The following PAK5 variants were observed in gnomAD, a reference collection of about 807,000 sequenced individuals.
The protein encoded by PAK5 is p21 (RAC1) activated kinase 5.
PAK5 carries 16 observed loss-of-function variants against 65.9 expected under a neutral mutation model. That is an observed-to-expected ratio of 0.24 (90% CI 0.16 to 0.37). The LOEUF is 0.37. Ranked by LOEUF, PAK5 falls within the 10% of genes least tolerant of loss-of-function variation. The pLI, the probability that PAK5 is intolerant of heterozygous loss-of-function variation, is 1.00. For synonymous variants in PAK5, 371 were observed against 354.9 expected, an observed-to-expected ratio of 1.05 and a Z score of -0.51; for missense variants, 785 against 903.9, an observed-to-expected ratio of 0.87 and a Z score of 1.69.
intron 1 of PAK5, among the ~76,000 whole-genome samples, chr20:9,809,025 G>A (rs2423473): frequency 0.42 from 63,985 of 151,806 alleles, 13,962 homozygotes; most frequent in African/African-American, 0.48. Flanking sequence ...GTATGTCGAT[G>A]TTCTTTATAT....
intron 2 of PAK5, among the ~76,000 whole-genome samples, chr20:9,682,490 T>C (rs565238168): frequency 3.9e-5 from 6 of 152,328 alleles, no homozygotes; most frequent in Non-Finnish European, 8.8e-5. Context: ...GTTTCCTCAC[T>C]TAGAAGAATT....
At chr20:9,650,245 A>G (rs1487955078) in intron 2 of PAK5, among the ~76,000 whole-genome samples, 2 of 152,194 alleles carry the variant, frequency 1.3e-5, no homozygotes, top group Non-Finnish European at 2.9e-5. Flanking sequence ...ACTGCTCATA[A>G]TATCTGCTTG....
At chr20:9,634,345 C>A (rs1233903593) in intron 3 of PAK5, among the ~76,000 whole-genome samples, 1 of 152,178 alleles carries the variant, frequency 6.6e-6, no homozygotes, top group Admixed American at 6.5e-5. Flanking sequence ...TGGTGGGTAC[C>A]CACAGGGATA....
At chr20:9,762,349 T>C (rs1470478035) in intron 1 of PAK5, among the ~76,000 whole-genome samples, 4 of 152,172 alleles carry the variant, frequency 2.6e-5, no homozygotes, top group Non-Finnish European at 4.4e-5. Flanking sequence ...TAGAACATAT[T>C]TGCAAATCTT....
chr20:9,817,916 A>G (rs180778524), intron 1 of PAK5, among the ~76,000 whole-genome samples: 1 of 152,356 alleles, frequency 6.6e-6, no homozygotes, highest in East Asian at 1.9e-4. Context: ...GACTTTCTTC[A>G]TAGGAACACA....
At chr20:9,770,787 G>A (rs538769079) in intron 1 of PAK5, among the ~76,000 whole-genome samples, 2 of 152,172 alleles carry the variant, frequency 1.3e-5, no homozygotes, top group South Asian at 2.1e-4. Context: ...TTGAAGAATC[G>A]TTGGAGTTGA....
intron 8 of PAK5, among the ~76,000 whole-genome samples, 177 bp downstream of exon 8, chr20:9,544,192 T>C (rs1485581850): frequency 6.6e-6 from 1 of 152,028 alleles, no homozygotes; most frequent in African/African-American, 2.4e-5. Context: ...GCCCCAGGGG[T>C]GGCCAGGCTC....
chr20:9,718,016 AC>A (rs200069567), intron 1 of PAK5, among the ~76,000 whole-genome samples: 3,064 of 152,180 alleles, frequency 0.02, 110 homozygotes, highest in African/African-American at 0.07. Flanking sequence ...TGCATTCAAA[AC>A]ATATAACAAC....
chr20:9,644,268 C>A lies in PAK5; in HGVS notation c.61G>T (p.Val21Phe), dbSNP rs747993132. The A allele has an allele frequency of 8.7e-6, 14 of 1,606,748 alleles. No homozygotes were observed. The highest frequency in any genetic ancestry group is 1.1e-5 in the Non-Finnish European group (13 of 1,177,832). ...TCTTGTGGATCAAACCCAGTATGAA[C>A]CCTGTGTTCAAAGTTGGACGGGCCA... The part of the protein sequence containing the change: ...ISGPSNFEHR[V>F]HTGFDPQEQK... The change falls in exon 3 of 10, where the codon GTT becomes TTT. Residue 21 changes from valine to phenylalanine, a missense_variant. This residue lies in a region of PAK5 where 71 missense variants were observed against 110.2 expected (regional missense o/e 0.64). Coordinates refer to ENST00000353224, the MANE Select transcript of PAK5 (RefSeq NM_177990.4).
intron 3 of PAK5, among the ~76,000 whole-genome samples, chr20:9,642,678 C>A (rs2047084600): frequency 6.6e-6 from 1 of 152,112 alleles, no homozygotes; most frequent in Admixed American, 6.6e-5. Context: ...AAATTATGTT[C>A]AATAGTAGGA....
At chr20:9,730,967 C>A (rs987508674) in intron 1 of PAK5, among the ~76,000 whole-genome samples, 1 of 152,140 alleles carries the variant, frequency 6.6e-6, no homozygotes, top group Non-Finnish European at 1.5e-5. Context: ...CAAGAAACAT[C>A]AGTGAGGTCC....
chr20:9,651,746 G>A (rs1224857896), intron 2 of PAK5, among the ~76,000 whole-genome samples: 2 of 152,106 alleles, frequency 1.3e-5, no homozygotes, highest in Non-Finnish European at 2.9e-5. Context: ...CTGAAGACGG[G>A]GTGGGGCACG....
At chr20:9,741,500 G>A (rs6087004) in intron 1 of PAK5, among the ~76,000 whole-genome samples, 61,114 of 151,844 alleles carry the variant, frequency 0.4, 12,301 homozygotes, top group South Asian at 0.52. Flanking sequence ...TTAAGCTTTC[G>A]GAGGAATGAG....
intron 1 of PAK5, among the ~76,000 whole-genome samples, chr20:9,774,511 A>G (rs1399225642): frequency 6.6e-6 from 1 of 152,200 alleles, no homozygotes; most frequent in African/African-American, 2.4e-5. Flanking sequence ...TCTAGCAATT[A>G]TATTCTTCAG....
chr20:9,705,594 C>T (rs1296827697), intron 2 of PAK5, among the ~76,000 whole-genome samples: 1 of 152,008 alleles, frequency 6.6e-6, no homozygotes, highest in Non-Finnish European at 1.5e-5. Flanking sequence ...GGTTTTAGCA[C>T]CAAAAATCTT....
intron 2 of PAK5, among the ~76,000 whole-genome samples, chr20:9,669,280 G>C (rs1032088996): frequency 6.6e-6 from 1 of 151,988 alleles, no homozygotes; most frequent in African/African-American, 2.4e-5. Context: ...ATATTTACTT[G>C]CTAGTTTTTA....
intron 7 of PAK5, among the ~76,000 whole-genome samples, chr20:9,549,168 G>A (rs2045389781): frequency 6.6e-6 from 1 of 152,088 alleles, no homozygotes; most frequent in South Asian, 2.1e-4. Context: ...ATTTGCAGAA[G>A]GAGAGAAAGA....
chr20:9,756,028 C>G (rs889738279), intron 1 of PAK5, among the ~76,000 whole-genome samples: 1 of 152,114 alleles, frequency 6.6e-6, no homozygotes, highest in Non-Finnish European at 1.5e-5. Context: ...TGAGGGGCCA[C>G]AGGGCCTGTG....
intron 1 of PAK5, among the ~76,000 whole-genome samples, chr20:9,782,134 T>C (rs1233135691): frequency 2.0e-5 from 3 of 152,180 alleles, no homozygotes; most frequent in Non-Finnish European, 4.4e-5. Flanking sequence ...CCTGACATGT[T>C]CCTTGGGTGC....
Sources: allele counts gnomAD v4.1 joint callset (sites outside exome capture counted in the v4.1 genomes callset), GRCh38; gene constraint gnomAD v4.1.1; regional missense constraint gnomAD v4.1.1; transcripts MANE v1.5; gene names NCBI Gene and HGNC (gene_info 2026-07-23, HGNC 2026-07-21).